PAPPA2: variants seen among roughly 807,000 people sequenced by gnomAD.
PAPPA2 encodes the protein pappalysin-2.
A neutral mutation model predicts 176.4 loss-of-function variants in PAPPA2; 86 were observed. The ratio of observed to expected loss-of-function variants is 0.49; its 90% CI spans 0.41 to 0.58. The LOEUF (loss-of-function observed/expected upper bound fraction) is 0.58. Among genes scored for constraint, PAPPA2 ranks in the 20% least tolerant of loss-of-function variants. The pLI is 0.00. For synonymous variants in PAPPA2, 809 were observed against 852.2 expected (o/e 0.95, Z 0.88); for missense variants, 2,073 against 2,256.9 (o/e 0.92, Z 1.65).
intron 14 of PAPPA2, among the ~76,000 whole-genome samples, chr1:176,744,789 G>A (rs1298448878): frequency 6.6e-6 from 1 of 152,100 alleles, no homozygotes; most frequent in Non-Finnish European, 1.5e-5. Context: ...TTCCAATGAT[G>A]TTTCTCAATT....
At chr1:176,739,477 G>T in intron 12 of PAPPA2, 149 bp from the exon 13 acceptor site, 1 of 734,226 alleles carries the variant, frequency 1.4e-6, no homozygotes, top group South Asian at 2.5e-5. Context: ...ACCTTTCTGT[G>T]TCTACTCCAT....
intron 17 of PAPPA2, among the ~76,000 whole-genome samples, chr1:176,781,951 C>T (rs1664740347): frequency 6.6e-6 from 1 of 152,100 alleles, no homozygotes; most frequent in Admixed American, 6.6e-5. Context: ...CTTTAGTTTT[C>T]TAATTCATGC....
Position 176,831,571 on chromosome 1 carries a change from C to A in PAPPA2, c.5203-8602C>A, listed in dbSNP as rs144880737. On this transcript the variant is annotated intron_variant, in intron 21 of 22. Transcript: ENST00000367662. ...GCCCTCCTCCTGGCCTTGAGGTGGG[C>A]AAGACCACTCATATAGAACTGTCTC... Among the ~76,000 whole-genome samples the A allele has an allele frequency of 6.2e-3, 951 of 152,258 alleles. 12 individuals carry two copies. Among genetic ancestry groups the A allele is most frequent in the African/African-American group, 0.021 (886 of 41,538 alleles).
At chr1:176,642,334 T>G (rs1657146285) in intron 3 of PAPPA2, among the ~76,000 whole-genome samples, 1 of 151,918 alleles carries the variant, frequency 6.6e-6, no homozygotes, top group Admixed American at 6.6e-5. Context: ...TTTTTCTGTA[T>G]TCTAAGTTAT....
intron 17 of PAPPA2, 106 bp downstream of exon 17, chr1:176,771,286 A>G (rs1664213740): frequency 2.1e-5 from 25 of 1,198,060 alleles, no homozygotes; most frequent in Non-Finnish European, 2.6e-5. Flanking sequence ...TTCTCCAGTC[A>G]TGACAGGCAG....
chr1:176,686,251 G>A (rs1179274662), intron 4 of PAPPA2, among the ~76,000 whole-genome samples: 11 of 152,126 alleles, frequency 7.2e-5, no homozygotes, highest in Admixed American at 7.2e-4. Flanking sequence ...AGTACGGTTT[G>A]GGGGTCCTCA....
chr1:176,570,363 C>A (rs1222627329), intron 2 of PAPPA2, among the ~76,000 whole-genome samples: 1 of 152,166 alleles, frequency 6.6e-6, no homozygotes, highest in Non-Finnish European at 1.5e-5. Flanking sequence ...ATTTATTAGC[C>A]ATATGCTCAC....
At chr1:176,786,888 C>T (rs1274695687) in intron 17 of PAPPA2, among the ~76,000 whole-genome samples, 3 of 152,108 alleles carry the variant, frequency 2.0e-5, no homozygotes, top group African/African-American at 4.8e-5. Flanking sequence ...TATACATGGA[C>T]ACAAAGAAGG....
chr1:176,644,098 T>C (rs565731670), intron 3 of PAPPA2, among the ~76,000 whole-genome samples: 1 of 151,940 alleles, frequency 6.6e-6, no homozygotes, highest in Admixed American at 6.6e-5. Flanking sequence ...AATGATAATA[T>C]AAAAGGCAAG....
At chr1:176,599,508 CTT>C (rs10592905) in intron 3 of PAPPA2, among the ~76,000 whole-genome samples, 21,942 of 129,136 alleles carry the variant, frequency 0.17, 1,715 homozygotes, top group Middle Eastern at 0.23. Context: ...GTTTGTTCTA[CTT>C]TTTTTTTTTT....
chr1:176,508,922 T>C (rs1558408367), intron 1 of PAPPA2, among the ~76,000 whole-genome samples: 1 of 151,964 alleles, frequency 6.6e-6, no homozygotes, highest in Non-Finnish European at 1.5e-5. Context: ...CAATTAGACC[T>C]TTTTTTTAAA....
intron 1 of PAPPA2, among the ~76,000 whole-genome samples, chr1:176,481,982 G>A (rs948009118): frequency 2.6e-5 from 4 of 152,124 alleles, no homozygotes; most frequent in African/African-American, 4.8e-5. Flanking sequence ...AAAGTGCTGG[G>A]ATTATAGGTG....
At chr1:176,770,197 T>C (rs988282896) in intron 16 of PAPPA2, among the ~76,000 whole-genome samples, 3 of 152,086 alleles carry the variant, frequency 2.0e-5, no homozygotes, top group Non-Finnish European at 2.9e-5. Context: ...GAAGATGGAG[T>C]GGAGCCTGCT....
At position 176,844,056 on chromosome 1, in the gene PAPPA2, C is replaced by T. The variant is rs1423645827; in HGVS notation, c.*1602C>T. 2 of 152,092 alleles carry T rather than the reference C, an allele frequency of 1.3e-5. No individual in the cohort carries two copies. The highest frequency in any genetic ancestry group is 3.9e-4 in the East Asian group (2 of 5,184). The allele number at this position is 152,092 out of a possible 1,614,324, so 9.4% of individuals were successfully genotyped here. ...CATCCCAGGCTCACTGGGATGTGAT[C>T]TACTGCAGTTACATTTTCTTGTAAC... On this transcript the variant is annotated 3_prime_UTR_variant, in exon 23 of 23. Transcript: ENST00000367662.
chr1:176,532,655 C>T (rs1649877112), intron 1 of PAPPA2, among the ~76,000 whole-genome samples: 1 of 152,214 alleles, frequency 6.6e-6, no homozygotes, highest in African/African-American at 2.4e-5. Flanking sequence ...CCTGTCCCCA[C>T]ATGGTGTGGG....
At chr1:176,709,198 T>G (rs1478375303) in intron 10 of PAPPA2, among the ~76,000 whole-genome samples, 1 of 152,180 alleles carries the variant, frequency 6.6e-6, no homozygotes. Flanking sequence ...CTGTTTGCTT[T>G]TGAAGACAGC....
At position 176,556,271 on chromosome 1, in the gene PAPPA2, G is replaced by C; in HGVS notation, c.-52G>C. On this transcript the variant is annotated 5_prime_UTR_variant, in exon 2 of 23. Coordinates refer to ENST00000367662, the MANE Select transcript of PAPPA2 (RefSeq NM_020318.3). ...TCTTTCTCGTCTGCCCATCACTCTG[G>C]TGTGGTACCCAGAAGTTGACTTCTG... 1.3e-6 allele frequency: 2 copies of C among 1,568,884 alleles called. No individual in the cohort carries two copies. Among genetic ancestry groups the C allele is most frequent in the Non-Finnish European group, 1.7e-6 (2 of 1,154,872 alleles).
In PAPPA2 at chr1:176,714,152, GA is replaced by G. The variant is rs553232600; in HGVS notation, c.3798+2180del. ...TTGACAAAAAGGGAAAACGTAAACT[GA>G]AAAAAAAATCCATGGCCCCTCTACA... On this transcript the variant is annotated intron_variant, in intron 12 of 22. Coordinates refer to ENST00000367662, the MANE Select transcript of PAPPA2 (RefSeq NM_020318.3). Among the ~76,000 whole-genome samples the G allele has an allele frequency of 7.5e-3, 1,125 of 150,520 alleles. 19 individuals carry two copies. Among genetic ancestry groups the G allele is most frequent in the African/African-American group, 0.025 (1,042 of 41,004 alleles).
At chr1:176,630,006 C>A (rs989535932) in intron 3 of PAPPA2, among the ~76,000 whole-genome samples, 1 of 151,910 alleles carries the variant, frequency 6.6e-6, no homozygotes, top group African/African-American at 2.4e-5. Flanking sequence ...TTGCAGTGAG[C>A]CGAGATCACA....
Sources: allele counts gnomAD v4.1 joint callset (sites outside exome capture counted in the v4.1 genomes callset), GRCh38; gene constraint gnomAD v4.1.1; transcripts MANE v1.5; gene names NCBI Gene and HGNC (gene_info 2026-07-23, HGNC 2026-07-21).